EEF1AKMT2: variants seen among roughly 807,000 people sequenced by gnomAD.
EEF1AKMT2 encodes the protein EEF1A lysine methyltransferase 2.
EEF1AKMT2 carries 32 observed loss-of-function variants against 35.8 expected under a neutral mutation model. The observed-to-expected ratio is 0.89, with a 90% CI of 0.67 to 1.20. EEF1AKMT2 has a LOEUF of 1.20. EEF1AKMT2 is among the 50% of genes most tolerant of loss of function. The pLI is 0.00. For missense variants in EEF1AKMT2, 330 were observed against 347.5 expected (o/e 0.95, Z 0.40); for synonymous variants, 121 against 133.7 (o/e 0.91, Z 0.65).
rs546762550 is a variant in EEF1AKMT2 at position 124,767,973 on chromosome 10, T to A, written c.400-2365A>T. On this transcript the variant is annotated intron_variant, in intron 4 of 6. Transcript: ENST00000368836. ...TGCACTCCAGCCTGGGCAACAAGAG[T>A]GAAACTCCATCTCAAAAAATAAAAA... is the stretch of plus-strand genomic sequence containing the variant. Among the ~76,000 whole-genome samples the A allele has an allele frequency of 4.0e-5, 6 of 151,882 alleles. No individual in the cohort carries two copies. The East Asian group carries it at 1.2e-3, about 30-fold the overall frequency.
chr10:124,767,929 T>C (rs935447419), intron 4 of EEF1AKMT2, among the ~76,000 whole-genome samples: 8 of 152,190 alleles, frequency 5.3e-5, no homozygotes, highest in African/African-American at 1.7e-4. Flanking sequence ...GAGGTTGCGG[T>C]GAGCCGAGAT....
At chr10:124,763,976 G>A (rs958636788) in intron 5 of EEF1AKMT2, among the ~76,000 whole-genome samples, 1 of 152,116 alleles carries the variant, frequency 6.6e-6, no homozygotes, top group Admixed American at 6.5e-5. Context: ...CAATAGTAAT[G>A]AAGCCATAAG....
At chr10:124,778,349 A>G (rs1460056785) in intron 3 of EEF1AKMT2, among the ~76,000 whole-genome samples, 1 of 152,182 alleles carries the variant, frequency 6.6e-6, no homozygotes, top group Admixed American at 6.6e-5. Context: ...CAAGCCTCAG[A>G]TTCAAGAAAC....
chr10:124,756,469 C>T (rs547370285), downstream of EEF1AKMT2, among the ~76,000 whole-genome samples: 2 of 152,304 alleles, frequency 1.3e-5, no homozygotes, highest in South Asian at 2.1e-4. Flanking sequence ...TTATTCCTAT[C>T]TTTTTAAGTT....
chr10:124,782,990 A>G, intron 3 of EEF1AKMT2: 1 of 427,250 alleles, frequency 2.3e-6, no homozygotes, highest in Non-Finnish European at 4.6e-6. Context: ...ATTCACTTCA[A>G]ATATAATAAT....
intron 3 of EEF1AKMT2, among the ~76,000 whole-genome samples, chr10:124,781,941 C>T (rs1950543709): frequency 6.6e-6 from 1 of 151,832 alleles, no homozygotes; most frequent in African/African-American, 2.4e-5. Context: ...GATCAAGAAC[C>T]CAACATGATA....
chr10:124,762,050 T>G (rs1055509538), intron 6 of EEF1AKMT2, among the ~76,000 whole-genome samples: 1 of 152,252 alleles, frequency 6.6e-6, no homozygotes, highest in African/African-American at 2.4e-5. Context: ...TAAATTTTCA[T>G]GCTTTGAGCT....
intron 3 of EEF1AKMT2, among the ~76,000 whole-genome samples, chr10:124,786,619 G>A (rs1950586571): frequency 6.6e-6 from 1 of 151,774 alleles, no homozygotes; most frequent in Non-Finnish European, 1.5e-5. Context: ...TTTGAGAACA[G>A]CTGGCCAACA....
intron 5 of EEF1AKMT2, among the ~76,000 whole-genome samples, chr10:124,764,774 T>C (rs1006262759): frequency 1.3e-5 from 2 of 152,240 alleles, no homozygotes; most frequent in Non-Finnish European, 2.9e-5. Context: ...ATTTGCATTA[T>C]TATGGATTTG....
intron 3 of EEF1AKMT2, among the ~76,000 whole-genome samples, chr10:124,782,100 C>G (rs993891104): frequency 6.6e-6 from 1 of 151,954 alleles, no homozygotes; most frequent in African/African-American, 2.4e-5. Flanking sequence ...AACAGCCATA[C>G]GCAAAGAGAT....
At chr10:124,767,752 G>A (rs912985801) in intron 4 of EEF1AKMT2, among the ~76,000 whole-genome samples, 39 of 152,168 alleles carry the variant, frequency 2.6e-4, no homozygotes, top group Admixed American at 1.8e-3. Flanking sequence ...TTGGGAGGCC[G>A]AGACGGGTAG....
At chr10:124,766,040 G>A (rs746398044) in intron 4 of EEF1AKMT2, among the ~76,000 whole-genome samples, 24 of 152,114 alleles carry the variant, frequency 1.6e-4, no homozygotes, top group Non-Finnish European at 2.6e-4. Flanking sequence ...TATGTTGCCC[G>A]GGATAGACTT....
intron 1 of EEF1AKMT2, among the ~76,000 whole-genome samples, chr10:124,790,716 T>C (rs1388850931): frequency 6.6e-6 from 1 of 152,222 alleles, no homozygotes; most frequent in Non-Finnish European, 1.5e-5. Context: ...CTGTGCTATT[T>C]GTCTCTGCCT....
chr10:124,760,143 CA>C lies in EEF1AKMT2; in HGVS notation c.*359del. The C allele has an allele frequency of 2.6e-6, 1 of 381,676 alleles. No homozygotes were observed. The highest frequency in any genetic ancestry group is 1.2e-4 in the South Asian group (1 of 8,138). The allele number at this position is 381,676 out of a possible 1,614,324, so 23.6% of individuals were successfully genotyped here. A position where few individuals can be genotyped will look rare whatever the true frequency, so the allele number is the denominator to read the frequency against. On this transcript the variant is annotated 3_prime_UTR_variant, in exon 7 of 7. Transcript: ENST00000368836. ...TACTTTAAAGTTTTTAACTGTTTAGCAGTTATAGGAAATTTTTTTAATCGAA... is the reference window on the plus strand; with the variant it reads ...TACTTTAAAGTTTTTAACTGTTTAGCGTTATAGGAAATTTTTTTAATCGAA...
At chr10:124,776,157 G>A (rs535687463) in intron 3 of EEF1AKMT2, among the ~76,000 whole-genome samples, 35 of 152,012 alleles carry the variant, frequency 2.3e-4, no homozygotes, top group African/African-American at 7.0e-4. Context: ...TCCTGACCTC[G>A]TGATCCGCCC....
Position 124,791,813 on chromosome 10 carries a change from G to C in EEF1AKMT2, c.21C>G (p.Gly7=), listed in dbSNP as rs112471520. The C allele has an allele frequency of 1.1e-3, 1,667 of 1,583,742 alleles. 15 individuals are homozygous for C. The African/African-American group carries it at 0.02, about 19-fold the overall frequency. Residue 7 remains glycine (G), a synonymous_variant, in exon 1 of 7, where the codon GGC becomes GGG. Transcript: ENST00000368836. MSSGAD[G]GGGAAVAARS... is the part of the protein sequence containing the mutation. Reference sequence around the variant, plus strand: ...GCGCCGCCACCGCAGCGCCACCGCCGCCGTCAGCGCCCGAGCTCATTTCGC... The same window carrying C: ...GCGCCGCCACCGCAGCGCCACCGCCCCCGTCAGCGCCCGAGCTCATTTCGC...
In EEF1AKMT2 at chr10:124,762,375, A is replaced by G. The variant is rs1326350327; in HGVS notation, c.800T>C (p.Leu267Pro). ...CHVVQAGLELLGSSDSPTWPP... is the reference protein window; with the variant it reads ...CHVVQAGLELPGSSDSPTWPP... ...CCAGGTGGGAGAATCACTTGAGCCC[A>G]GGAGTTCCAGACCAGCCTGGACAAC... Residue 267 changes from leucine (L) to proline (P), a missense_variant, in exon 6 of 7, where the codon CTG becomes CCG. Leu to Pro is a moderately conservative substitution (Grantham distance 98). Coordinates refer to ENST00000368836, the MANE Select transcript of EEF1AKMT2 (RefSeq NM_212554.4). 3 of 1,275,930 alleles carry G rather than the reference A, an allele frequency of 2.4e-6. No individual in the cohort carries two copies. The highest frequency in any genetic ancestry group is 2.6e-5 in the South Asian group (2 of 77,600). 79.0% of individuals were successfully genotyped at this position (1,275,930 alleles called of 1,614,324 possible).
intron 5 of EEF1AKMT2, among the ~76,000 whole-genome samples, chr10:124,764,617 G>A (rs964425030): frequency 3.3e-5 from 5 of 152,160 alleles, no homozygotes; most frequent in East Asian, 3.8e-4. Flanking sequence ...TTTTAATTCC[G>A]TGCAATCTTA....
rs557557796 is a variant in EEF1AKMT2 at position 124,790,174 on chromosome 10, T to G, written c.176+99A>C. On this transcript the variant is annotated intron_variant, in intron 2 of 6. Coordinates refer to ENST00000368836, the MANE Select transcript of EEF1AKMT2 (RefSeq NM_212554.4). ...TCCCAAAGTGCTGGGATTACAGGCG[T>G]AAGCCACCGCGCCCGGCGAATATAT... is the stretch of plus-strand genomic sequence containing the variant. 1.3e-4 allele frequency: 121 copies of G among 929,792 alleles called. No individual in the cohort carries two copies. The East Asian group carries it at 3.1e-3, about 24-fold the overall frequency. The allele number at this position is 929,792 out of a possible 1,614,324, so 57.6% of individuals were successfully genotyped here. A position where few individuals can be genotyped will look rare whatever the true frequency, so the allele number is the denominator to read the frequency against.
Sources: gnomAD v4.1 joint callset for allele counts (sites outside exome capture counted in the v4.1 genomes callset) on GRCh38, gnomAD v4.1.1 for gene constraint, MANE v1.5 for transcripts, NCBI Gene and HGNC (gene_info 2026-07-23, HGNC 2026-07-21) for gene names.